Variants in BICC1 observed in about 807,000 individuals in gnomAD.
The protein encoded by BICC1 is BicC family RNA binding protein 1.
In BICC1, 43 loss-of-function variants were observed where a neutral mutation model predicts 111.0. The observed-to-expected ratio is 0.39, with a 90% CI of 0.30 to 0.50. BICC1 has a LOEUF of 0.50. Among genes scored for constraint, BICC1 ranks in the 20% least tolerant of loss-of-function variants. The pLI, the probability that BICC1 is intolerant of heterozygous loss-of-function variation, is 0.88. For synonymous variants in BICC1, 467 were observed against 434.4 expected, an observed-to-expected ratio of 1.07 and a Z score of -0.93; for missense variants, 1,091 against 1,203.2, an observed-to-expected ratio of 0.91 and a Z score of 1.38.
At chr10:58,552,313 CTTAT>C (rs1843315728) in intron 1 of BICC1, among the ~76,000 whole-genome samples, 1 of 151,806 alleles carries the variant, frequency 6.6e-6, no homozygotes, top group South Asian at 2.1e-4. Flanking sequence ...ACATTTTATT[CTTAT>C]TTCTTTTTTT....
intron 1 of BICC1, among the ~76,000 whole-genome samples, chr10:58,597,195 A>T (rs12766279): frequency 6.6e-6 from 1 of 152,158 alleles, no homozygotes; most frequent in Non-Finnish European, 1.5e-5. Flanking sequence ...ATCACATATC[A>T]GTAGGACATC....
chr10:58,817,082 T>C (rs931691348), intron 18 of BICC1, among the ~76,000 whole-genome samples: 1 of 152,098 alleles, frequency 6.6e-6, no homozygotes, highest in African/African-American at 2.4e-5. Flanking sequence ...GGAGCAGGAT[T>C]TATGTGTTGC....
At position 58,625,847 on chromosome 10, in the gene BICC1, G is replaced by A. The variant is rs114149372; in HGVS notation, c.237+4946G>A. ...AGTCCTTTTATTGAGGGGCAGCAGA[G>A]TTAATAAAGTTACTCTGGCTTTCTC... On this transcript the variant is annotated intron_variant, in intron 2 of 20. Transcript: ENST00000373886. Among the ~76,000 whole-genome samples the A allele has an allele frequency of 3.4e-3, 515 of 152,232 alleles. 5 individuals carry two copies. The highest frequency in any genetic ancestry group is 0.012 in the African/African-American group (486 of 41,544).
At chr10:58,689,169 A>T (rs1195109559) in intron 2 of BICC1, among the ~76,000 whole-genome samples, 1 of 152,200 alleles carries the variant, frequency 6.6e-6, no homozygotes, top group African/African-American at 2.4e-5. Context: ...TCTGTCTTTC[A>T]CACTGATGGT....
At chr10:58,543,959 GAAGAGC>G (rs1843067094) in intron 1 of BICC1, among the ~76,000 whole-genome samples, 1 of 151,896 alleles carries the variant, frequency 6.6e-6, no homozygotes, top group Admixed American at 6.6e-5. Flanking sequence ...GTTTTAAAAG[GAAGAGC>G]AAGAGCAAGT....
intron 1 of BICC1, among the ~76,000 whole-genome samples, chr10:58,580,109 T>C (rs1052643452): frequency 6.6e-6 from 1 of 151,856 alleles, no homozygotes; most frequent in African/African-American, 2.4e-5. Context: ...ACTGCAACCT[T>C]CACCTCCTGG....
intron 2 of BICC1, among the ~76,000 whole-genome samples, chr10:58,663,834 G>T (rs1838924003): frequency 1.3e-5 from 2 of 152,122 alleles, no homozygotes; most frequent in African/African-American, 4.8e-5. Context: ...ATAGTCTTTT[G>T]TCTTCTTTTA....
intron 1 of BICC1, among the ~76,000 whole-genome samples, chr10:58,551,331 T>C (rs1226347976): frequency 2.6e-5 from 4 of 152,176 alleles, no homozygotes; most frequent in African/African-American, 7.2e-5. Flanking sequence ...ACCTTTAAGC[T>C]GCAAAACTTT....
chr10:58,689,378 A>G (rs1232679294), intron 2 of BICC1, among the ~76,000 whole-genome samples: 1 of 152,178 alleles, frequency 6.6e-6, no homozygotes, highest in Non-Finnish European at 1.5e-5. Flanking sequence ...AAACCAACCT[A>G]TGGGAATGGG....
intron 2 of BICC1, among the ~76,000 whole-genome samples, chr10:58,624,344 T>C (rs866324951): frequency 2.0e-5 from 3 of 152,322 alleles, no homozygotes; most frequent in Middle Eastern, 3.4e-3. Flanking sequence ...AACATACGAC[T>C]TTTTGGAGGA....
chr10:58,592,355 T>C (rs985343159), intron 1 of BICC1, among the ~76,000 whole-genome samples: 7 of 152,276 alleles, frequency 4.6e-5, no homozygotes, highest in African/African-American at 1.4e-4. Flanking sequence ...TTAATATCTT[T>C]AGAGAATAGT....
intron 1 of BICC1, among the ~76,000 whole-genome samples, chr10:58,611,791 G>A (rs1845431805): frequency 1.3e-5 from 2 of 151,992 alleles, no homozygotes; most frequent in Admixed American, 6.6e-5. Context: ...TGCCCAGCCT[G>A]TACATTCTGT....
At chr10:58,620,431 A>G (rs2132135791) in intron 1 of BICC1, among the ~76,000 whole-genome samples, 1 of 152,338 alleles carries the variant, frequency 6.6e-6, no homozygotes, top group East Asian at 1.9e-4. Flanking sequence ...TAGACTTTAT[A>G]AAGCATAAAA....
chr10:58,824,589 C>A (rs1247266628), intron 20 of BICC1, among the ~76,000 whole-genome samples: 1 of 152,066 alleles, frequency 6.6e-6, no homozygotes, highest in Non-Finnish European at 1.5e-5. Context: ...TCTGTTACAA[C>A]CTGAATCTGT....
Position 58,513,259 on chromosome 10 carries a change from C to A in BICC1, c.116C>A (p.Ala39Glu), listed in dbSNP as rs1842144708. The A allele has an allele frequency of 6.2e-7, 1 of 1,612,974 alleles. No homozygotes were observed. The highest frequency in any genetic ancestry group is 1.3e-5 in the African/African-American group (1 of 74,904). Residue 39 changes from alanine to glutamate, a missense_variant, in exon 1 of 21, where the codon GCG becomes GAG. Ala to Glu is a moderately radical substitution (Grantham distance 107). Coordinates refer to ENST00000373886, the MANE Select transcript of BICC1 (RefSeq NM_001080512.3). The stretch of plus-strand genomic sequence containing the variant: ...TCCGAGGACGACTTGGTCGCCGGGG[C>A]GACCCTGCACAGCCCGGAGTGGAGC... ...PGSEDDLVAG[A>E]TLHSPEWSEE... is the part of the protein sequence containing the mutation.
At chr10:58,624,742 C>T (rs551039116) in intron 2 of BICC1, among the ~76,000 whole-genome samples, 13 of 152,066 alleles carry the variant, frequency 8.5e-5, no homozygotes, top group East Asian at 5.8e-4. Context: ...TACAGGCATG[C>T]GCCACCACGC....
chr10:58,528,383 A>G (rs988607616), intron 1 of BICC1, among the ~76,000 whole-genome samples: 1 of 151,954 alleles, frequency 6.6e-6, no homozygotes, highest in Non-Finnish European at 1.5e-5. Context: ...GTTAATGTTA[A>G]TTATATTTGT....
intron 2 of BICC1, among the ~76,000 whole-genome samples, chr10:58,695,557 A>G (rs1315180996): frequency 6.6e-6 from 1 of 152,210 alleles, no homozygotes; most frequent in African/African-American, 2.4e-5. Context: ...CCAAGAATAA[A>G]TATTTTTAGT....
intron 1 of BICC1, among the ~76,000 whole-genome samples, chr10:58,537,408 G>C (rs1167540069): frequency 6.6e-6 from 1 of 151,160 alleles, no homozygotes; most frequent in Non-Finnish European, 1.5e-5. Context: ...AATAGGTGCA[G>C]AAAAAGCATT....
Sources: gnomAD v4.1 joint callset for allele counts (sites outside exome capture counted in the v4.1 genomes callset) on GRCh38, gnomAD v4.1.1 for gene constraint, MANE v1.5 for transcripts, NCBI Gene and HGNC (gene_info 2026-07-23, HGNC 2026-07-21) for gene names.